The following MEI4 variants were observed in gnomAD, a reference collection of about 807,000 sequenced individuals.
The protein encoded by MEI4 is meiosis-specific protein MEI4.
MEI4 carries 27 observed loss-of-function variants against 31.4 expected under a neutral mutation model. That is an observed-to-expected ratio of 0.86 (90% CI 0.63 to 1.19). The LOEUF (loss-of-function observed/expected upper bound fraction) is 1.19, where lower values mean the gene tolerates loss of function less well. Ranked by LOEUF, MEI4 falls within the 50% of genes most tolerant of loss-of-function variation. The pLI is 0.00. For missense variants in MEI4, 329 were observed against 398.9 expected, an observed-to-expected ratio of 0.82 and a Z score of 1.49; for synonymous variants, 122 against 145.4, an observed-to-expected ratio of 0.84 and a Z score of 1.16.
chr6:77,760,523 C>T (rs1184577794), intron 2 of MEI4, among the ~76,000 whole-genome samples: 1 of 152,156 alleles, frequency 6.6e-6, no homozygotes, highest in Non-Finnish European at 1.5e-5. Context: ...GAAGCAACAT[C>T]AAATTACTTG....
chr6:77,667,349 T>A (rs919083769), intron 1 of MEI4, among the ~76,000 whole-genome samples: 3 of 152,152 alleles, frequency 2.0e-5, no homozygotes, highest in African/African-American at 7.2e-5. Context: ...TGATGCCTTT[T>A]CCATTGCCCA....
At chr6:77,858,506 C>A (rs532266728) in intron 4 of MEI4, among the ~76,000 whole-genome samples, 85 of 151,658 alleles carry the variant, frequency 5.6e-4, no homozygotes, top group African/African-American at 2.0e-3. Flanking sequence ...AGTTTTTTTT[C>A]TTTTTCATTT....
Position 77,802,507 on chromosome 6 carries a change from A to G in MEI4, c.769-26424A>G, listed in dbSNP as rs141287788. Among the ~76,000 whole-genome samples, 1,211 of 152,224 alleles carry G rather than the reference A, an allele frequency of 8.0e-3. 18 individuals carry two copies. Among genetic ancestry groups the G allele is most frequent in the African/African-American group, 0.027 (1,141 of 41,536 alleles). ...TATTGTTATGTGTGAATTTGATCCT[A>G]TCATTATGATGCTAGCTGGTTATTT... is the stretch of plus-strand genomic sequence containing the variant. On this transcript the variant is annotated intron_variant, in intron 3 of 4. Transcript: ENST00000684080.
chr6:77,750,865 T>G (rs1315019248), intron 2 of MEI4, among the ~76,000 whole-genome samples: 1 of 152,124 alleles, frequency 6.6e-6, no homozygotes, highest in Non-Finnish European at 1.5e-5. Flanking sequence ...GACCACATAA[T>G]TGGAAGTAAA....
chr6:77,923,410 A>G lies in MEI4; in HGVS notation c.*64A>G. On this transcript the variant is annotated 3_prime_UTR_variant, in exon 5 of 5. Transcript: ENST00000684080. Reference sequence around the variant, plus strand: ...AAAGTAGAATATATGAAAATCTCATACTGAAAAGATTTTCAATAGTATTTT... The same window carrying G: ...AAAGTAGAATATATGAAAATCTCATGCTGAAAAGATTTTCAATAGTATTTT... 8.7e-7 allele frequency: 1 copy of G among 1,153,240 alleles called. No homozygotes were observed. Among genetic ancestry groups the G allele is most frequent in the Non-Finnish European group, 1.1e-6 (1 of 917,616 alleles). 71.4% of individuals were successfully genotyped at this position (1,153,240 alleles called of 1,614,324 possible). A position where few individuals can be genotyped will look rare whatever the true frequency, so the allele number is the denominator to read the frequency against.
intron 2 of MEI4, among the ~76,000 whole-genome samples, chr6:77,752,258 G>A (rs1200626688): frequency 2.0e-5 from 3 of 152,176 alleles, no homozygotes; most frequent in African/African-American, 7.2e-5. Context: ...AGTTTTGGAA[G>A]TTCTGGCCAG....
chr6:77,734,511 T>C (rs1029004993), intron 2 of MEI4, among the ~76,000 whole-genome samples: 25 of 152,056 alleles, frequency 1.6e-4, no homozygotes, highest in African/African-American at 4.6e-4. Context: ...TCCAATCTTT[T>C]ATTTTGAGCC....
In MEI4 at chr6:77,690,839, T is replaced by C; in HGVS notation, c.168T>C (p.Ala56=). 8.1e-7 allele frequency: 1 copy of C among 1,231,556 alleles called. No homozygotes were observed. The highest frequency in any genetic ancestry group is 1.0e-6 in the Non-Finnish European group (1 of 987,430). 76.3% of individuals were successfully genotyped at this position (1,231,556 alleles called of 1,614,324 possible). A position where few individuals can be genotyped will look rare whatever the true frequency, so the allele number is the denominator to read the frequency against. Residue 56 remains alanine, a synonymous_variant, in exon 2 of 5, where the codon GCT becomes GCC. Transcript: ENST00000684080. ...GATCAAAAGTTGAAATCTTGGAAGC[T>C]GAAGTTATGCAATTACGTCAAAAAC... is the stretch of plus-strand genomic sequence containing the variant. ...KWRSKVEILE[A]EVMQLRQKLL...
chr6:77,883,039 G>A (rs1224671228), intron 4 of MEI4, among the ~76,000 whole-genome samples: 1 of 151,962 alleles, frequency 6.6e-6, no homozygotes, highest in East Asian at 1.9e-4. Flanking sequence ...TAACGCATAT[G>A]TCCAGGTTCG....
chr6:77,911,742 A>G (rs1380713872), intron 4 of MEI4, among the ~76,000 whole-genome samples: 1 of 148,248 alleles, frequency 6.7e-6, no homozygotes, highest in African/African-American at 2.5e-5. Flanking sequence ...TAATATATAT[A>G]TATATAAATA....
chr6:77,771,660 A>T (rs892193651), intron 3 of MEI4, among the ~76,000 whole-genome samples: 2 of 152,144 alleles, frequency 1.3e-5, no homozygotes, highest in South Asian at 4.1e-4. Context: ...ACTGGAGACC[A>T]TTATCCTTGG....
chr6:77,874,795 G>A lies in MEI4; in HGVS notation c.900+45733G>A, dbSNP rs1039181649. Among the ~76,000 whole-genome samples the A allele has an allele frequency of 5.9e-5, 9 of 152,236 alleles. No individual in the cohort carries two copies. The South Asian group carries it at 1.9e-3, about 32-fold the overall frequency. ...GATATGTCCCATCAGTACCTAATTT[G>A]TTGAGAGTTTTTAGCATGAAGAGTT... On this transcript the variant is annotated intron_variant, in intron 4 of 4. Coordinates refer to ENST00000684080, the MANE Select transcript of MEI4 (RefSeq NM_001322247.2).
At chr6:77,739,607 A>G (rs1329974583) in intron 2 of MEI4, among the ~76,000 whole-genome samples, 2 of 152,106 alleles carry the variant, frequency 1.3e-5, no homozygotes, top group Non-Finnish European at 2.9e-5. Context: ...CCATTAGGAC[A>G]AATACTTAAT....
At chr6:77,894,171 CAA>C (rs1766026905) in intron 4 of MEI4, among the ~76,000 whole-genome samples, 1 of 152,128 alleles carries the variant, frequency 6.6e-6, no homozygotes, top group African/African-American at 2.4e-5. Context: ...TAGAATGTGA[CAA>C]AGTGTTTGAA....
chr6:77,914,074 A>G (rs1411664818), intron 4 of MEI4, among the ~76,000 whole-genome samples: 4 of 147,728 alleles, frequency 2.7e-5, no homozygotes, highest in Non-Finnish European at 6.0e-5. Context: ...TATATTGTTT[A>G]TATGAGTTTC....
intron 4 of MEI4, among the ~76,000 whole-genome samples, chr6:77,915,071 G>A (rs1766514106): frequency 6.6e-6 from 1 of 152,008 alleles, no homozygotes; most frequent in African/African-American, 2.4e-5. Flanking sequence ...TTATTAATAT[G>A]TGATGGCTTA....
At chr6:77,681,724 T>A (rs1768960533) in intron 1 of MEI4, among the ~76,000 whole-genome samples, 1 of 152,182 alleles carries the variant, frequency 6.6e-6, no homozygotes, top group African/African-American at 2.4e-5. Flanking sequence ...ACAATTAAAA[T>A]CCATGCTTAG....
chr6:77,726,337 A>G (rs982969255), intron 2 of MEI4, among the ~76,000 whole-genome samples: 1 of 151,624 alleles, frequency 6.6e-6, no homozygotes. Flanking sequence ...AGACACAGTA[A>G]CAATCTGATC....
In MEI4 at chr6:77,690,784, T is replaced by C; in HGVS notation, c.113T>C (p.Met38Thr). The C allele has an allele frequency of 1.6e-6, 2 of 1,231,698 alleles. No individual in the cohort carries two copies. Among genetic ancestry groups the C allele is most frequent in the Non-Finnish European group, 2.0e-6 (2 of 987,472 alleles). The allele number at this position is 1,231,698 out of a possible 1,614,324, so 76.3% of individuals were successfully genotyped here. ...SSREYTEHLA[M>T]LLSEEQSKWR... The stretch of plus-strand genomic sequence containing the variant: ...AGAGAATACACAGAGCACCTTGCTA[T>C]GTTGCTGTCTGAGGAGCAGTCAAAA... The change falls in exon 2 of 5, where the codon ATG becomes ACG. Residue 38 changes from methionine to threonine, a missense_variant. Coordinates refer to ENST00000684080, the MANE Select transcript of MEI4 (RefSeq NM_001322247.2).
Sources: gnomAD v4.1 joint callset for allele counts (sites outside exome capture counted in the v4.1 genomes callset) on GRCh38, gnomAD v4.1.1 for gene constraint, MANE v1.5 for transcripts, NCBI Gene and HGNC (gene_info 2026-07-23, HGNC 2026-07-21) for gene names.